Variants in MKRN2OS observed in about 807,000 individuals in gnomAD.
MKRN2OS encodes the protein MKRN2 opposite strand protein.
Under a neutral mutation model 18.2 loss-of-function variants are expected in MKRN2OS, and 17 were observed. The observed-to-expected ratio is 0.93, with a 90% CI of 0.64 to 1.40. The LOEUF (loss-of-function observed/expected upper bound fraction) is 1.40, where lower values mean the gene tolerates loss of function less well. Ranked by LOEUF, MKRN2OS falls within the 40% of genes most tolerant of loss-of-function variation. The pLI, the probability that MKRN2OS is intolerant of heterozygous loss-of-function variation, is 0.00. For synonymous variants in MKRN2OS, 121 were observed against 108.5 expected, an observed-to-expected ratio of 1.12 and a Z score of -0.72; for missense variants, 337 against 283.0, an observed-to-expected ratio of 1.19 and a Z score of -1.37.
At chr3:12,549,145 G>A (rs1024054268), upstream of MKRN2OS, among the ~76,000 whole-genome samples, 3 of 152,120 alleles carry the variant, frequency 2.0e-5, no homozygotes, top group Non-Finnish European at 4.4e-5. Context: ...TATTCTAATA[G>A]AGTTGGCCAG....
rs375382034 is a variant in MKRN2OS at position 12,544,970 on chromosome 3, A to G, written c.218+277T>C. On this transcript the variant is annotated intron_variant, in intron 1 of 3. Coordinates refer to ENST00000564146, the MANE Select transcript of MKRN2OS (RefSeq NM_001195279.2). Reference sequence around the variant, plus strand: ...TAGCTGCTGGGTCATTTTCCTGGTTAGCCTCTGAGCACATATTTTTCTCTC... The same window carrying G: ...TAGCTGCTGGGTCATTTTCCTGGTTGGCCTCTGAGCACATATTTTTCTCTC... Among the ~76,000 whole-genome samples, 6 of 152,342 alleles carry G rather than the reference A, an allele frequency of 3.9e-5. No individual in the cohort carries two copies. In the East Asian group the frequency reaches 1.2e-3, roughly 29 times the overall value.
rs373842958 is a variant in MKRN2OS, at chr3:12,544,701, TC to T, written c.218+545del. On this transcript the variant is annotated intron_variant, in intron 1 of 3. Transcript: ENST00000564146. ...TCTCGGGGAAAAAAAAAAGGTATAATCCTTTCTTTTGCTTTCTAATTCATCC... is the reference window on the plus strand; with the variant it reads ...TCTCGGGGAAAAAAAAAAGGTATAATCTTTCTTTTGCTTTCTAATTCATCC... Among the ~76,000 whole-genome samples, 507 of 151,316 alleles carry T rather than the reference TC, an allele frequency of 3.4e-3. 2 individuals are homozygous for T. The highest frequency in any genetic ancestry group is 0.011 in the African/African-American group (471 of 41,056).
downstream of MKRN2OS, among the ~76,000 whole-genome samples, chr3:12,551,779 T>C (rs537545853): frequency 6.6e-6 from 1 of 151,034 alleles, no homozygotes; most frequent in African/African-American, 2.4e-5. Context: ...CTACTAAAAA[T>C]ACAAAAACAC....
chr3:12,550,257 A>G (rs2057919548), upstream of MKRN2OS, among the ~76,000 whole-genome samples: 1 of 152,222 alleles, frequency 6.6e-6, no homozygotes, highest in Non-Finnish European at 1.5e-5. Context: ...TTCAGTGCCA[A>G]AAAGAAGCAA....
downstream of MKRN2OS, among the ~76,000 whole-genome samples, chr3:12,551,542 T>C (rs2057929846): frequency 1.3e-5 from 2 of 148,892 alleles, no homozygotes; most frequent in South Asian, 4.2e-4. Context: ...TGTAGAATAA[T>C]GGAAAATAAT....
upstream of MKRN2OS, among the ~76,000 whole-genome samples, chr3:12,548,655 A>G (rs2057906541): frequency 6.6e-6 from 1 of 152,056 alleles, no homozygotes; most frequent in South Asian, 2.1e-4. Flanking sequence ...AATAAACCAC[A>G]TGGTATTGTT....
chr3:12,550,181 G>A (rs1042031958), upstream of MKRN2OS, among the ~76,000 whole-genome samples: 3 of 152,128 alleles, frequency 2.0e-5, no homozygotes, highest in Admixed American at 6.6e-5. Flanking sequence ...CTAATACTTG[G>A]AAGCAACCAA....
intron 1 of MKRN2OS, among the ~76,000 whole-genome samples, chr3:12,560,208 A>C (rs1313372342): frequency 1.3e-5 from 2 of 152,234 alleles, no homozygotes; most frequent in Non-Finnish European, 2.9e-5. Context: ...ATAGCAGTCT[A>C]TGAAGTAAGT....
intron 2 of MKRN2OS, 110 bp from the exon 3 acceptor site, chr3:12,542,132 T>C: frequency 8.8e-7 from 1 of 1,135,090 alleles, no homozygotes; most frequent in South Asian, 1.6e-5. Flanking sequence ...GTAACATAAA[T>C]CCAGGGTGGA....
At chr3:12,557,460 G>T (rs1455157232) in intron 1 of MKRN2OS, among the ~76,000 whole-genome samples, 1 of 152,240 alleles carries the variant, frequency 6.6e-6, no homozygotes, top group African/African-American at 2.4e-5. Flanking sequence ...AGCCAGGGCC[G>T]TGCAGGATGC....
At chr3:12,557,181 G>T in intron 1 of MKRN2OS, 1 of 1,536,212 alleles carries the variant, frequency 6.5e-7, no homozygotes, top group Non-Finnish European at 8.7e-7. Flanking sequence ...TTGCAGGTCA[G>T]TGCGCTGGAG....
chr3:12,551,507 A>T (rs1188047363), downstream of MKRN2OS, among the ~76,000 whole-genome samples: 1 of 152,082 alleles, frequency 6.6e-6, no homozygotes, highest in Non-Finnish European at 1.5e-5. Context: ...AAAAAAAAAA[A>T]GTGTATTACC....
chr3:12,560,153 A>G (rs2058024442), intron 1 of MKRN2OS, among the ~76,000 whole-genome samples: 1 of 152,238 alleles, frequency 6.6e-6, no homozygotes, highest in African/African-American at 2.4e-5. Context: ...TATTAGGATG[A>G]GCACTTACAT....
chr3:12,540,609 C>A (rs927728644), intron 3 of MKRN2OS, among the ~76,000 whole-genome samples, 176 bp from the exon 4 acceptor site: 4 of 152,020 alleles, frequency 2.6e-5, no homozygotes, highest in African/African-American at 9.7e-5. Context: ...TGCGGTGGCT[C>A]ACACCTGTAA....
chr3:12,550,322 A>G (rs374850974), upstream of MKRN2OS, among the ~76,000 whole-genome samples: 117 of 152,348 alleles, frequency 7.7e-4, no homozygotes, highest in African/African-American at 2.5e-3. Context: ...ACTGAGTGGA[A>G]GAAGCCAATC....
chr3:12,551,231 G>A (rs928140031), downstream of MKRN2OS, among the ~76,000 whole-genome samples: 2 of 150,022 alleles, frequency 1.3e-5, no homozygotes, highest in African/African-American at 2.5e-5. Flanking sequence ...AATGGCTCAC[G>A]CCTGTAATCC....
chr3:12,559,075 T>G (rs1438473469), intron 1 of MKRN2OS, among the ~76,000 whole-genome samples: 3 of 152,174 alleles, frequency 2.0e-5, no homozygotes, highest in Non-Finnish European at 4.4e-5. Flanking sequence ...TTATCAAAGC[T>G]TTTAATGTGT....
downstream of MKRN2OS, among the ~76,000 whole-genome samples, chr3:12,553,542 A>G (rs1375869976): frequency 6.6e-6 from 1 of 152,114 alleles, no homozygotes; most frequent in African/African-American, 2.4e-5. Flanking sequence ...ATCTAGGGCT[A>G]ACATTTTAAT....
rs770760699 is a variant in MKRN2OS at position 12,541,959 on chromosome 3, A to G, written c.332T>C (p.Ile111Thr). 6.5e-7 allele frequency: 1 copy of G among 1,536,014 alleles called. No individual in the cohort carries two copies. The highest frequency in any genetic ancestry group is 2.4e-5 in the East Asian group (1 of 40,918). The change falls in exon 3 of 4, where the codon ATA becomes ACA. Residue 111 changes from isoleucine to threonine, a missense_variant. Physicochemically the swap from Ile to Thr is moderately conservative, Grantham distance 89. Coordinates refer to ENST00000564146, the MANE Select transcript of MKRN2OS (RefSeq NM_001195279.2). ...QRDGEGWEES[I>T]SIPLLQPNMY... ...GTTGGGCTGCAGTAATGGGATGCTT[A>G]TGCTCTCTTCCCACCCTTCTCCGTC...
Sources: gnomAD v4.1 joint callset for allele counts (sites outside exome capture counted in the v4.1 genomes callset) on GRCh38, gnomAD v4.1.1 for gene constraint, MANE v1.5 for transcripts, NCBI Gene and HGNC (gene_info 2026-07-23, HGNC 2026-07-21) for gene names.